NUDT6: variants seen among roughly 807,000 people sequenced by gnomAD.
The protein encoded by NUDT6 is nudix hydrolase 6, also known as FAD diphosphatase NUDT6.
NUDT6 carries 24 observed loss-of-function variants against 36.8 expected under a neutral mutation model. The observed-to-expected ratio is 0.65, with a 90% CI of 0.47 to 0.92. The LOEUF (loss-of-function observed/expected upper bound fraction) is 0.92. Ranked by LOEUF, NUDT6 falls within the 40% of genes least tolerant of loss-of-function variation. The pLI is 0.00. For synonymous variants in NUDT6, 163 were observed against 157.0 expected (o/e 1.04, Z -0.29); for missense variants, 388 against 392.8 (o/e 0.99, Z 0.10).
intron 1 of NUDT6, chr4:122,918,332 A>G (rs1366228797): frequency 6.6e-6 from 1 of 152,300 alleles, no homozygotes; most frequent in East Asian, 1.9e-4. Context: ...CCTTCTTTAA[A>G]TTCTCTTTAC....
At chr4:122,899,044 A>ATTTTTTTTTTTTTTTTTT (rs113708696) in intron 3 of NUDT6, among the ~76,000 whole-genome samples, 1,500 of 69,326 alleles carry the variant, frequency 0.022, 387 homozygotes, top group Middle Eastern at 0.03. Flanking sequence ...ACCACACCTA[A>ATTTTTTTTTTTTTTTTTT]TTTTTTTTTT....
rs374225566 is a variant in NUDT6 at position 122,917,588 on chromosome 4, C to T, written c.355G>A (p.Glu119Lys). The T allele has an allele frequency of 4.3e-6, 7 of 1,614,076 alleles. No homozygotes were observed. The highest frequency in any genetic ancestry group is 5.1e-6 in the Non-Finnish European group (6 of 1,180,040). Residue 119 changes from glutamate (E) to lysine (K), a missense_variant, in exon 2 of 5, where the codon GAA (glutamate) becomes AAA (lysine). Coordinates refer to ENST00000304430, the MANE Select transcript of NUDT6 (RefSeq NM_007083.5). ...AGAGTCAACGTTGATGAATCCGATT[C>T]TGCGTGGTGAAAGCAGAAGCCCAGG... ...ASLGFCFHHAESDSSTLTLWL... is the reference protein window; with the variant it reads ...ASLGFCFHHAKSDSSTLTLWL...
chr4:122,897,836 GTTTC>G (rs1727410589), intron 3 of NUDT6, 158 bp from the exon 4 acceptor site: 4 of 598,468 alleles, frequency 6.7e-6, no homozygotes, highest in Middle Eastern at 8.7e-4. Context: ...TTTCTCCCTC[GTTTC>G]TTCTTTTTTT....
At position 122,912,613 on chromosome 4, in the gene NUDT6, A is replaced by C; in HGVS notation, c.453T>G (p.Phe151Leu). The change falls in exon 3 of 5, where the codon TTT becomes TTG. Residue 151 changes from phenylalanine to leucine, a missense_variant. Transcript: ENST00000304430. ...SHQVGVAGAV[F>L]DESTRKILVV... ...CCAGTATTTTTCTAGTACTTTCATCAAATACAGCTCCTATTAGGGGAAAAA... is the reference window on the plus strand; with the variant it reads ...CCAGTATTTTTCTAGTACTTTCATCCAATACAGCTCCTATTAGGGGAAAAA... 6.3e-7 allele frequency: 1 copy of C among 1,575,490 alleles called. No homozygotes were observed. Among genetic ancestry groups the C allele is most frequent in the South Asian group, 1.1e-5 (1 of 89,908 alleles).
Position 122,906,074 on chromosome 4 carries a change from T to TC in NUDT6, c.498+6493dup, listed in dbSNP as rs1727610729. Among the ~76,000 whole-genome samples the TC allele has an allele frequency of 3.3e-5, 5 of 152,156 alleles. No individual in the cohort carries two copies. The South Asian group carries it at 1.0e-3, about 32-fold the overall frequency. ...TGTCCATTCACTCAGGGTCGCAGGATCCCCACTCTTTTCCTGTTAGGGGAT... is the reference window on the plus strand; with the variant it reads ...TGTCCATTCACTCAGGGTCGCAGGATCCCCCACTCTTTTCCTGTTAGGGGAT... On this transcript the variant is annotated intron_variant, in intron 3 of 4. Transcript: ENST00000304430.
chr4:122,901,857 CA>C (rs1727530452), intron 3 of NUDT6, among the ~76,000 whole-genome samples: 1 of 152,086 alleles, frequency 6.6e-6, no homozygotes, highest in Non-Finnish European at 1.5e-5. Flanking sequence ...AAATCCTAAC[CA>C]GAAGTTTGTA....
chr4:122,904,123 C>T (rs978981309), intron 3 of NUDT6, among the ~76,000 whole-genome samples: 1 of 152,028 alleles, frequency 6.6e-6, no homozygotes, highest in Non-Finnish European at 1.5e-5. Flanking sequence ...GCCATTAATC[C>T]CCTGAGTAGG....
chr4:122,897,982 A>G (rs975938811), intron 3 of NUDT6: 4 of 262,902 alleles, frequency 1.5e-5, no homozygotes, highest in African/African-American at 8.9e-5. Context: ...AATTTCTGTA[A>G]TTTAAAATAT....
chr4:122,900,113 C>T (rs771309809), intron 3 of NUDT6, among the ~76,000 whole-genome samples: 23 of 143,306 alleles, frequency 1.6e-4, no homozygotes, highest in Non-Finnish European at 2.7e-4. Flanking sequence ...TGTGCGCCAA[C>T]GGTTAACTTA....
Position 122,916,953 on chromosome 4 carries a change from A to T in NUDT6, c.442+548T>A, listed in dbSNP as rs186287916. Among the ~76,000 whole-genome samples the T allele has an allele frequency of 3.4e-3, 513 of 152,326 alleles. 3 individuals carry two copies. The highest frequency in any genetic ancestry group is 0.014 in the Middle Eastern group (4 of 294). On this transcript the variant is annotated intron_variant, in intron 2 of 4. Transcript: ENST00000304430. ...CCTATGGATCATGGATACACTGGAT[A>T]TGGGGAAGATTCACGGCCTGGTGGG...
At chr4:122,897,875 C>A (rs1464740467) in intron 3 of NUDT6, 197 bp from the exon 4 acceptor site, 3 of 560,688 alleles carry the variant, frequency 5.4e-6, no homozygotes, top group Non-Finnish European at 9.6e-6. Context: ...CTGATGAAAT[C>A]TTTTCCCACC....
chr4:122,922,176 G>T, intron 1 of NUDT6, 159 bp downstream of exon 1: 1 of 568,308 alleles, frequency 1.8e-6, no homozygotes, highest in Non-Finnish European at 2.9e-6. Flanking sequence ...AAAGGTCTAA[G>T]CACGAATGCT....
Position 122,922,343 on chromosome 4 carries a change from C to T in NUDT6, c.230G>A (p.Gly77Asp), listed in dbSNP as rs750511987. ...DRLDAAAFQKGLQAAVQQWRS... is the reference protein window; with the variant it reads ...DRLDAAAFQKDLQAAVQQWRS... Reference sequence around the variant, plus strand: ...GTCCCAGGCGCACTTGCCCTGCAAGCCCTTCTGGAAGGCGGCAGCGTCCAG... The same window carrying T: ...GTCCCAGGCGCACTTGCCCTGCAAGTCCTTCTGGAAGGCGGCAGCGTCCAG... The change falls in exon 1 of 5, where the codon GGC (glycine) becomes GAC (aspartate). Residue 77 changes from glycine (G) to aspartate (D), a missense_variant. Coordinates refer to ENST00000304430, the MANE Select transcript of NUDT6 (RefSeq NM_007083.5). 1.1e-5 allele frequency: 17 copies of T among 1,600,194 alleles called. No homozygotes were observed. The highest frequency in any genetic ancestry group is 1.4e-5 in the Non-Finnish European group (17 of 1,178,500).
At chr4:122,907,106 T>G (rs1291064455) in intron 3 of NUDT6, among the ~76,000 whole-genome samples, 1 of 152,190 alleles carries the variant, frequency 6.6e-6, no homozygotes, top group Non-Finnish European at 1.5e-5. Context: ...GCCACTGCTC[T>G]GCATATGGAG....
chr4:122,912,165 C>T (rs563624636), intron 3 of NUDT6, among the ~76,000 whole-genome samples: 3 of 152,102 alleles, frequency 2.0e-5, no homozygotes, highest in South Asian at 4.1e-4. Context: ...GACTGTCTTT[C>T]CAAATAAATA....
chr4:122,922,754 C>A (rs1383272414), upstream of NUDT6: 12 of 602,438 alleles, frequency 2.0e-5, no homozygotes, highest in East Asian at 2.9e-4. Flanking sequence ...AGCAATTTGC[C>A]CCGCTCCAGT....
chr4:122,909,615 C>T (rs887026020), intron 3 of NUDT6, among the ~76,000 whole-genome samples: 1 of 143,664 alleles, frequency 7.0e-6, no homozygotes, highest in Non-Finnish European at 1.5e-5. Flanking sequence ...AGAACAGAGC[C>T]TTCTGTGCAC....
At chr4:122,900,048 A>T in intron 3 of NUDT6, among the ~76,000 whole-genome samples, 1 of 77,244 alleles carries the variant, frequency 1.3e-5, no homozygotes, top group Admixed American at 1.3e-4. Flanking sequence ...ATGGTCATGC[A>T]CCCCCGCCAC....
At chr4:122,915,484 A>ACG (rs67674710) in intron 2 of NUDT6, among the ~76,000 whole-genome samples, 2 of 125,270 alleles carry the variant, frequency 1.6e-5, no homozygotes, top group Non-Finnish European at 3.4e-5. Context: ...AAAAAAAAAA[A>ACG]AAAAAAAAAA....
Sources: gnomAD v4.1 joint callset for allele counts (sites outside exome capture counted in the v4.1 genomes callset) on GRCh38, gnomAD v4.1.1 for gene constraint, MANE v1.5 for transcripts, NCBI Gene and HGNC (gene_info 2026-07-23, HGNC 2026-07-21) for gene names.